Variants in CR1 observed in about 807,000 individuals in gnomAD.
The protein encoded by CR1 is complement receptor type 1.
Under a neutral mutation model 187.3 loss-of-function variants are expected in CR1, and 116 were observed. The ratio of observed to expected loss-of-function variants is 0.62; its 90% CI spans 0.53 to 0.72. CR1 has a LOEUF of 0.72. CR1 is among the 30% of genes least tolerant of loss of function. The pLI is 0.00. For missense variants in CR1, 1,731 were observed against 2,110.7 expected (o/e 0.82, Z 3.52); for synonymous variants, 576 against 747.1 (o/e 0.77, Z 3.73).
At chr1:207,577,319 G>C (rs1447644221) in intron 28 of CR1, among the ~76,000 whole-genome samples, 1 of 151,576 alleles carries the variant, frequency 6.6e-6, no homozygotes, top group Admixed American at 6.6e-5. Context: ...GTGAAATAAG[G>C]TTAACTGAGT....
At chr1:207,588,472 A>C (rs1290020487) in intron 34 of CR1, among the ~76,000 whole-genome samples, 1 of 152,242 alleles carries the variant, frequency 6.6e-6, no homozygotes, top group East Asian at 1.9e-4. Flanking sequence ...CATAACCTTT[A>C]TTAGGAGGTG....
rs184138677 is a variant in CR1, at chr1:207,594,660, A to G, written c.5810+5886A>G. Among the ~76,000 whole-genome samples, 285 of 152,248 alleles carry G rather than the reference A, an allele frequency of 1.9e-3. 2 individuals carry two copies. The highest frequency in any genetic ancestry group is 6.8e-3 in the Middle Eastern group (2 of 294). Reference sequence around the variant, plus strand: ...GCCATGATAAATTCAGAGAGGAAAAACATGATATATATTAAATTTTACTGC... The same window carrying G: ...GCCATGATAAATTCAGAGAGGAAAAGCATGATATATATTAAATTTTACTGC... On this transcript the variant is annotated intron_variant, in intron 35 of 46. Coordinates refer to ENST00000367049, the MANE Select transcript of CR1 (RefSeq NM_000651.6).
intron 46 of CR1, among the ~76,000 whole-genome samples, chr1:207,638,407 C>T (rs1464132702): frequency 6.6e-6 from 1 of 151,976 alleles, no homozygotes; most frequent in African/African-American, 2.4e-5. Context: ...TGAGGCTGTG[C>T]CTACGCTGAC....
intron 39 of CR1, among the ~76,000 whole-genome samples, chr1:207,613,226 G>A (rs955856137): frequency 4.6e-5 from 7 of 152,198 alleles, no homozygotes; most frequent in South Asian, 2.1e-4. Flanking sequence ...GACGAGACAC[G>A]AGGGTGGACC....
At chr1:207,617,598 TATATATATATATATAGAG>T (rs1482970674) in intron 41 of CR1, among the ~76,000 whole-genome samples, 28 of 38,408 alleles carry the variant, frequency 7.3e-4, no homozygotes, top group Middle Eastern at 0.013. Flanking sequence ...TATATATATA[TATATATATATATATAGAG>T]AGAGAGAGAG....
intron 35 of CR1, among the ~76,000 whole-genome samples, chr1:207,602,205 A>G (rs1050464290): frequency 2.6e-5 from 4 of 152,170 alleles, no homozygotes; most frequent in African/African-American, 7.2e-5. Flanking sequence ...ACAATGGCCC[A>G]GTTTTGTAAC....
intron 1 of CR1, 139 bp from the exon 2 acceptor site, chr1:207,505,765 G>T: frequency 1.1e-6 from 1 of 872,716 alleles, no homozygotes; most frequent in Non-Finnish European, 1.7e-6. Flanking sequence ...GAACCCAAGA[G>T]GCGGAGGTTG....
At chr1:207,518,598 A>G (rs1659875740) in intron 4 of CR1, among the ~76,000 whole-genome samples, 1 of 152,230 alleles carries the variant, frequency 6.6e-6, no homozygotes, top group Non-Finnish European at 1.5e-5. Context: ...TTCCATCTGC[A>G]AGCTGTTCTG....
At chr1:207,522,133 C>CT (rs1660018731) in intron 4 of CR1, among the ~76,000 whole-genome samples, 1 of 152,128 alleles carries the variant, frequency 6.6e-6, no homozygotes, top group Non-Finnish European at 1.5e-5. Context: ...TATTTGAAAA[C>CT]TGTGTCTGTA....
chr1:207,607,020 A>G (rs1263183178), intron 35 of CR1, among the ~76,000 whole-genome samples: 2 of 152,208 alleles, frequency 1.3e-5, no homozygotes, highest in Non-Finnish European at 2.9e-5. Context: ...GAAATATCTC[A>G]TTCAGTTGTG....
At chr1:207,515,624 A>G (rs537385112) in intron 4 of CR1, among the ~76,000 whole-genome samples, 49 of 152,182 alleles carry the variant, frequency 3.2e-4, no homozygotes, top group Non-Finnish European at 6.3e-4. Flanking sequence ...TGCAGGAAGG[A>G]TTGTTGGGTC....
chr1:207,581,289 T>TACGTATACATATGGACACGTATATGTAG (rs1660939286), intron 31 of CR1, among the ~76,000 whole-genome samples: 4 of 132,730 alleles, frequency 3.0e-5, no homozygotes, highest in African/African-American at 1.5e-4. Context: ...CGTATATGTA[T>TACGTATACATATGGACACGTATATGTAG]ACGTATACAT....
In CR1 at chr1:207,630,553, C is replaced by T. The variant is rs1662609159; in HGVS notation, c.7389C>T (p.Ile2463=). The T allele has an allele frequency of 6.2e-7, 1 of 1,610,250 alleles. No homozygotes were observed. The highest frequency in any genetic ancestry group is 1.7e-5 in the Admixed American group (1 of 59,354). ...NAHENPKEVA[I]HLHSQGGSSV... ...ATGAAAACCCTAAAGAAGTGGCTAT[C>T]CATTTACATTCTCAAGGAGGCAGCA... Residue 2463 remains isoleucine (I), a synonymous_variant, in exon 46 of 47, where the codon ATC becomes ATT. Coordinates refer to ENST00000367049, the MANE Select transcript of CR1 (RefSeq NM_000651.6).
At position 207,567,852 on chromosome 1, in the gene CR1, T is replaced by C; in HGVS notation, c.3981T>C (p.Ile1327=). 1 of 1,611,022 alleles carries C rather than the reference T, an allele frequency of 6.2e-7. No homozygotes were observed. The highest frequency in any genetic ancestry group is 8.5e-7 in the Non-Finnish European group (1 of 1,179,646). ...EQIFCPSPPV[I]PNGRHTGKPL... ...TCTTTTGTCCAAGTCCTCCAGTTAT[T>C]CCTAATGGGAGACACACAGGAAAAC... is the stretch of plus-strand genomic sequence containing the variant. Residue 1327 remains isoleucine (I), a synonymous_variant, in exon 25 of 47, where the codon ATT becomes ATC. Transcript: ENST00000367049.
chr1:207,577,412 T>C (rs544362227), intron 28 of CR1, among the ~76,000 whole-genome samples: 1 of 152,324 alleles, frequency 6.6e-6, no homozygotes, highest in South Asian at 2.1e-4. Context: ...ATTGTCAATA[T>C]TTACTTCTGG....
Position 207,587,387 on chromosome 1 carries a change from T to C in CR1, c.5532T>C (p.Gly1844=), listed in dbSNP as rs1283598432. The C allele has an allele frequency of 6.2e-7, 1 of 1,610,332 alleles. No homozygotes were observed. The highest frequency in any genetic ancestry group is 8.5e-7 in the Non-Finnish European group (1 of 1,177,996). ...TATTCCTGTGGTTTTTCTCTCCAGG[T>C]CACTGTAAAACCCCAGAGCAGTTTC... ...APRCELSVRA[G]HCKTPEQFPF... The change falls in exon 34 of 47, where the codon GGT becomes GGC. Residue 1844 remains glycine (G), a splice_region_variant and synonymous_variant. Transcript: ENST00000367049.
At chr1:207,512,876 C>CCTCT (rs1659665357) in intron 4 of CR1, among the ~76,000 whole-genome samples, 1 of 152,120 alleles carries the variant, frequency 6.6e-6, no homozygotes, top group African/African-American at 2.4e-5. Context: ...ACTTCTGTAA[C>CCTCT]CTCTCTGTAT....
At chr1:207,583,088 A>G (rs1413467413) in intron 32 of CR1, among the ~76,000 whole-genome samples, 1 of 152,180 alleles carries the variant, frequency 6.6e-6, no homozygotes, top group African/African-American at 2.4e-5. Context: ...AGATGCATGG[A>G]CTGAGCCTGG....
chr1:207,626,573 A>G (rs968628422), intron 45 of CR1, among the ~76,000 whole-genome samples: 1 of 152,208 alleles, frequency 6.6e-6, no homozygotes, highest in East Asian at 1.9e-4. Flanking sequence ...CAGAAGAGCC[A>G]TTTATCCTGG....
Sources: gnomAD v4.1 joint callset for allele counts (sites outside exome capture counted in the v4.1 genomes callset) on GRCh38, gnomAD v4.1.1 for gene constraint, MANE v1.5 for transcripts, NCBI Gene and HGNC (gene_info 2026-07-23, HGNC 2026-07-21) for gene names.